The following MYH15 variants were observed in gnomAD, a reference collection of about 807,000 sequenced individuals.
MYH15 encodes the protein myosin heavy chain 15.
Under a neutral mutation model 240.5 loss-of-function variants are expected in MYH15, and 227 were observed. The ratio of observed to expected loss-of-function variants is 0.94; its 90% confidence interval spans 0.85 to 1.05. The LOEUF is 1.05. Among genes scored for constraint, MYH15 ranks in the 50% least tolerant of loss-of-function variants. The pLI is 0.00. For missense variants in MYH15, 2,217 were observed against 2,247.5 expected, an observed-to-expected ratio of 0.99 and a Z score of 0.27; for synonymous variants, 785 against 796.7, an observed-to-expected ratio of 0.99 and a Z score of 0.25.
At chr3:108,537,307 T>C in the MYH15 span, among the ~76,000 whole-genome samples, 1 of 152,196 alleles carries the variant, frequency 6.6e-6, no homozygotes, top group Non-Finnish European at 1.5e-5. Flanking sequence ...ACCTCATTCA[T>C]GGGTGATGTC....
chr3:108,526,385 C>T (rs114663625), intron 1 of MYH15, among the ~76,000 whole-genome samples: 1,994 of 152,240 alleles, frequency 0.013, 35 homozygotes, highest in African/African-American at 0.045. Context: ...TTTCCCTGTT[C>T]GCTTCCTTTT....
At chr3:108,490,418 G>A (rs931134872) in intron 9 of MYH15, among the ~76,000 whole-genome samples, 4 of 152,178 alleles carry the variant, frequency 2.6e-5, no homozygotes, top group African/African-American at 9.7e-5. Flanking sequence ...TGGGAGCATT[G>A]TTGTCCTCAA....
At chr3:108,527,629 G>A (rs1443371669) in intron 1 of MYH15, among the ~76,000 whole-genome samples, 3 of 151,614 alleles carry the variant, frequency 2.0e-5, no homozygotes, top group Non-Finnish European at 2.9e-5. Context: ...GAATTTCTCA[G>A]TATCTACACT....
chr3:108,434,016 A>G (rs2082803818), intron 25 of MYH15, among the ~76,000 whole-genome samples: 1 of 152,092 alleles, frequency 6.6e-6, no homozygotes, highest in East Asian at 1.9e-4. Context: ...GTGATAGAAT[A>G]TCACATACAT....
chr3:108,528,041 C>T (rs2083685940), intron 1 of MYH15, among the ~76,000 whole-genome samples: 2 of 152,088 alleles, frequency 1.3e-5, no homozygotes, highest in Admixed American at 6.6e-5. Context: ...TGTAAGAACC[C>T]ACTTCCTTAT....
chr3:108,421,717 G>A (rs2082685830), intron 27 of MYH15, among the ~76,000 whole-genome samples: 1 of 152,154 alleles, frequency 6.6e-6, no homozygotes, highest in South Asian at 2.1e-4. Flanking sequence ...GAAGGAGGAG[G>A]AAGGAAATCT....
At chr3:108,536,429 T>C in the MYH15 span, among the ~76,000 whole-genome samples, 3 of 152,228 alleles carry the variant, frequency 2.0e-5, no homozygotes, top group Non-Finnish European at 4.4e-5. Flanking sequence ...GCCAAAACCA[T>C]GTCTTGGGAC....
At chr3:108,406,000 A>G (rs1002805614) in intron 32 of MYH15, among the ~76,000 whole-genome samples, 9 of 152,238 alleles carry the variant, frequency 5.9e-5, no homozygotes, top group Non-Finnish European at 1.3e-4. Context: ...AGTGTGAGCC[A>G]TTAACACCAT....
chr3:108,511,346 C>G (rs1314583570), upstream of MYH15, among the ~76,000 whole-genome samples: 1 of 152,070 alleles, frequency 6.6e-6, no homozygotes, highest in Non-Finnish European at 1.5e-5. Flanking sequence ...AATGAAGAAG[C>G]CCAGGCTGAA....
rs764339183 is a variant in MYH15, at chr3:108,416,829, G to A, written c.3931C>T (p.Leu1311=). The A allele has an allele frequency of 1.9e-6, 3 of 1,613,206 alleles. No individual in the cohort carries two copies. In the South Asian group the frequency reaches 3.3e-5, roughly 18 times the overall value. The change falls in exon 29 of 41, where the codon CTG becomes TTG. Residue 1311 remains leucine (L), a synonymous_variant. Transcript: ENST00000693548. ...TRQIEDLRGQ[L]EKETKSQSAL... is the part of the protein sequence containing the mutation. ...TACATTACTTTGGTCTCCTTTTCCA[G>A]CTGCCCTCTCAGGTCTTCAATCTGC...
Position 108,495,779 on chromosome 3 carries a change from C to T in MYH15, c.711+1G>A. 1 of 1,606,128 alleles carries T rather than the reference C, an allele frequency of 6.2e-7. No individual in the cohort carries two copies. The highest frequency in any genetic ancestry group is 1.3e-5 in the African/African-American group (1 of 74,876). On this transcript the variant is annotated splice_donor_variant, in intron 7 of 40. Coordinates refer to ENST00000693548, the MANE Select transcript of MYH15 (RefSeq NM_014981.3). LOFTEE classifies it high-confidence loss of function. ...ATATTATGCTAAATCATGTTACTTA[C>T]AAAACGAGAGGAGTTGTCATTTCTC...
At chr3:108,548,507 G>A in the MYH15 span, among the ~76,000 whole-genome samples, 1 of 152,072 alleles carries the variant, frequency 6.6e-6, no homozygotes, top group African/African-American at 2.4e-5. Context: ...GGCTGCTTCT[G>A]TGCTGCAATA....
At chr3:108,496,816 A>C (rs1161214809) in intron 6 of MYH15, among the ~76,000 whole-genome samples, 2 of 147,318 alleles carry the variant, frequency 1.4e-5, no homozygotes, top group Non-Finnish European at 3.0e-5. Context: ...AAAAAAAAAA[A>C]CCACAAACAT....
intron 31 of MYH15, 81 bp downstream of exon 31, chr3:108,410,502 G>A (rs1458012391): frequency 8.2e-6 from 8 of 972,204 alleles, no homozygotes; most frequent in Non-Finnish European, 1.0e-5. Context: ...ATGTGAAAAT[G>A]CTGAAGACAG....
intron 25 of MYH15, 70 bp from the exon 26 acceptor site, chr3:108,430,992 T>A: frequency 9.8e-7 from 1 of 1,018,752 alleles, no homozygotes; most frequent in Non-Finnish European, 1.5e-6. Context: ...GTTAGAATTG[T>A]AATATTCCTA....
chr3:108,390,911 T>C (rs1260293305), intron 37 of MYH15, among the ~76,000 whole-genome samples: 2 of 152,354 alleles, frequency 1.3e-5, no homozygotes, highest in South Asian at 2.1e-4. Context: ...CTCTCATAGA[T>C]AGCCATTTTT....
chr3:108,519,737 C>T (rs1240650204), intron 1 of MYH15, among the ~76,000 whole-genome samples: 2 of 152,124 alleles, frequency 1.3e-5, no homozygotes, highest in East Asian at 1.9e-4. Flanking sequence ...CAGTGACCCA[C>T]GATCTGCATA....
chr3:108,550,607 A>T, the MYH15 span: 1 of 151,646 alleles, frequency 6.6e-6, no homozygotes, highest in Non-Finnish European at 1.5e-5. Flanking sequence ...TTTAGAAATT[A>T]TGCTACAGCA....
intron 23 of MYH15, 62 bp from the exon 24 acceptor site, chr3:108,439,975 G>C (rs766375913): frequency 9.9e-5 from 137 of 1,389,794 alleles, no homozygotes; most frequent in Non-Finnish European, 1.2e-4. Context: ...ATAACACTGA[G>C]GGTCATTTCT....
Sources: gnomAD v4.1 joint callset for allele counts (sites outside exome capture counted in the v4.1 genomes callset) on GRCh38, gnomAD v4.1.1 for gene constraint, MANE v1.5 for transcripts, NCBI Gene and HGNC (gene_info 2026-07-23, HGNC 2026-07-21) for gene names.